Variants in AP4E1 observed in about 807,000 individuals in gnomAD.
AP4E1 encodes the protein adaptor related protein complex 4 subunit epsilon 1, also known as AP-4 complex subunit epsilon-1.
In AP4E1, 56 loss-of-function variants were observed where a neutral mutation model predicts 128.2. That is an observed-to-expected ratio of 0.44 (90% CI 0.35 to 0.55). AP4E1 has a LOEUF of 0.55. Ranked by LOEUF, AP4E1 falls within the 20% of genes least tolerant of loss-of-function variation. AP4E1 has a pLI of 0.00. For missense variants in AP4E1, 1,324 were observed against 1,307.7 expected (o/e 1.01, Z -0.19); for synonymous variants, 484 against 473.1 (o/e 1.02, Z -0.30).
At chr15:50,950,572 T>C (rs1451234260) in intron 13 of AP4E1, among the ~76,000 whole-genome samples, 1 of 152,224 alleles carries the variant, frequency 6.6e-6, no homozygotes, top group African/African-American at 2.4e-5. Context: ...GGCACAGTGC[T>C]GAGTACTTAC....
intron 14 of AP4E1, among the ~76,000 whole-genome samples, chr15:50,962,020 T>C (rs565097460): frequency 6.0e-5 from 9 of 150,386 alleles, no homozygotes; most frequent in African/African-American, 2.2e-4. Context: ...AATAAATAAA[T>C]ACAATACAAT....
Position 50,968,499 on chromosome 15 carries a change from T to G in AP4E1, c.1966+122T>G, listed in dbSNP as rs1596492087. 3.5e-6 allele frequency: 3 copies of G among 864,016 alleles called. No individual in the cohort carries two copies. In the East Asian group the frequency reaches 8.4e-5, roughly 24 times the overall value. The allele number at this position is 864,016 out of a possible 1,614,324, so 53.5% of individuals were successfully genotyped here. A position where few individuals can be genotyped will look rare whatever the true frequency, so the allele number is the denominator to read the frequency against. ...TTATTTCTCTTTAATGATTCACTTG[T>G]GATTTGTTTGCCGTGACTAGGTTTT... On this transcript the variant is annotated intron_variant, in intron 15 of 20. Transcript: ENST00000261842.
intron 14 of AP4E1, among the ~76,000 whole-genome samples, chr15:50,967,778 AG>A (rs2064413528): frequency 6.6e-6 from 1 of 152,204 alleles, no homozygotes; most frequent in South Asian, 2.1e-4. Flanking sequence ...ATCTGATTAT[AG>A]ATGTTTCAGA....
At chr15:50,965,627 A>G (rs1445826728) in intron 14 of AP4E1, among the ~76,000 whole-genome samples, 1 of 151,816 alleles carries the variant, frequency 6.6e-6, no homozygotes, top group East Asian at 1.9e-4. Context: ...GAGCTTTTAT[A>G]CTCTCCGTGG....
At chr15:50,913,646 T>G (rs1171484639) in intron 2 of AP4E1, among the ~76,000 whole-genome samples, 1 of 152,240 alleles carries the variant, frequency 6.6e-6, no homozygotes, top group Non-Finnish European at 1.5e-5. Flanking sequence ...TAGATAAAGT[T>G]CATAATGACT....
chr15:50,920,488 C>T (rs1240209135), intron 3 of AP4E1, among the ~76,000 whole-genome samples: 1 of 149,584 alleles, frequency 6.7e-6, no homozygotes, highest in Non-Finnish European at 1.5e-5. Context: ...TTCACTGCAG[C>T]CTCCGCCTCC....
At chr15:50,966,208 C>T (rs1004916512) in intron 14 of AP4E1, among the ~76,000 whole-genome samples, 2 of 152,096 alleles carry the variant, frequency 1.3e-5, no homozygotes, top group African/African-American at 2.4e-5. Context: ...TGTGAGCCAC[C>T]GCACCTGGTC....
chr15:50,969,753 G>C (rs990292447), intron 15 of AP4E1, among the ~76,000 whole-genome samples: 2 of 151,368 alleles, frequency 1.3e-5, no homozygotes, highest in South Asian at 4.2e-4. Flanking sequence ...CTGCCTCCTG[G>C]GTTCATGCCA....
intron 13 of AP4E1, among the ~76,000 whole-genome samples, chr15:50,951,640 A>T (rs1444730954): frequency 6.6e-6 from 1 of 151,416 alleles, no homozygotes; most frequent in Admixed American, 6.6e-5. Context: ...TTACTTAAAA[A>T]TTTTTCTTTT....
intron 4 of AP4E1, among the ~76,000 whole-genome samples, 189 bp from the exon 5 acceptor site, chr15:50,924,909 C>T (rs1284299684): frequency 6.6e-6 from 1 of 152,068 alleles, no homozygotes; most frequent in African/African-American, 2.4e-5. Context: ...CTTTATTTGT[C>T]TACTGACTCT....
In AP4E1 at chr15:50,908,758, G is replaced by T. The variant is rs533962357; in HGVS notation, c.-21G>T. On this transcript the variant is annotated 5_prime_UTR_variant, in exon 1 of 21. Coordinates refer to ENST00000261842, the MANE Select transcript of AP4E1 (RefSeq NM_007347.5). ...GGCTACGGGATCGCGGGCGGCGGCGGCATCGCGGGCGGCGGCGGCGATGAG... is the reference window on the plus strand; with the variant it reads ...GGCTACGGGATCGCGGGCGGCGGCGTCATCGCGGGCGGCGGCGGCGATGAG... 6 of 1,513,896 alleles carry T rather than the reference G, an allele frequency of 4.0e-6. No homozygotes were observed. In the East Asian group the frequency reaches 1.4e-4, roughly 35 times the overall value. The allele number at this position is 1,513,896 out of a possible 1,614,324, so 93.8% of individuals were successfully genotyped here.
chr15:50,967,156 G>A (rs917918307), intron 14 of AP4E1, among the ~76,000 whole-genome samples: 6 of 152,156 alleles, frequency 3.9e-5, no homozygotes, highest in Non-Finnish European at 8.8e-5. Flanking sequence ...AGCATTTTCA[G>A]TTTATATTAG....
At chr15:50,993,926 G>A (rs1490327754) in intron 17 of AP4E1, among the ~76,000 whole-genome samples, 4 of 152,178 alleles carry the variant, frequency 2.6e-5, no homozygotes, top group African/African-American at 9.7e-5. Context: ...CCCTGTGGGT[G>A]GACGGGGCAG....
chr15:50,944,783 T>C (rs1452287224), intron 10 of AP4E1: 4 of 661,140 alleles, frequency 6.1e-6, no homozygotes, highest in Non-Finnish European at 8.3e-6. Flanking sequence ...CATGAGAATA[T>C]GTAAGAGCTT....
At chr15:50,975,003 A>G (rs2064532474) in intron 15 of AP4E1, among the ~76,000 whole-genome samples, 1 of 152,134 alleles carries the variant, frequency 6.6e-6, no homozygotes, top group South Asian at 2.1e-4. Context: ...TTTCTTTGCT[A>G]TGCAGAAGCT....
At chr15:50,991,450 G>A (rs373128884) in intron 16 of AP4E1, among the ~76,000 whole-genome samples, 1 of 152,132 alleles carries the variant, frequency 6.6e-6, no homozygotes. Context: ...TTCTATTCTA[G>A]AAATGGTAGG....
intron 8 of AP4E1, 115 bp downstream of exon 8, chr15:50,934,812 ATAGT>A: frequency 1.5e-6 from 1 of 683,694 alleles, no homozygotes; most frequent in Non-Finnish European, 2.5e-6. Flanking sequence ...TGATTTTAAG[ATAGT>A]TCTTTGGATT....
At chr15:50,955,007 TA>T (rs1387903890) in intron 13 of AP4E1, among the ~76,000 whole-genome samples, 1 of 152,222 alleles carries the variant, frequency 6.6e-6, no homozygotes, top group East Asian at 1.9e-4. Context: ...TCCATGTCCC[TA>T]CAAAGGACGC....
intron 15 of AP4E1, among the ~76,000 whole-genome samples, chr15:50,983,372 C>G (rs12385953): frequency 0.046 from 7,007 of 152,060 alleles, 528 homozygotes; most frequent in African/African-American, 0.16. Flanking sequence ...ATTTCATAGG[C>G]TAGACCTCAG....
Sources: allele counts gnomAD v4.1 joint callset (sites outside exome capture counted in the v4.1 genomes callset), GRCh38; gene constraint gnomAD v4.1.1; transcripts MANE v1.5; gene names NCBI Gene and HGNC (gene_info 2026-07-23, HGNC 2026-07-21).